RAB11FIP3: variants seen among roughly 807,000 people sequenced by gnomAD.
RAB11FIP3 encodes RAB11 family interacting protein 3, also known as rab11 family-interacting protein 3.
A neutral mutation model predicts 77.8 loss-of-function variants in RAB11FIP3; 17 were observed. That is an observed-to-expected ratio of 0.22 (90% confidence interval 0.15 to 0.33). The LOEUF (loss-of-function observed/expected upper bound fraction) is 0.33, where lower values mean the gene tolerates loss of function less well. Among genes scored for constraint, RAB11FIP3 ranks in the 10% least tolerant of loss-of-function variants. The pLI is 1.00. For missense variants in RAB11FIP3, 1,005 were observed against 1,011.2 expected, an observed-to-expected ratio of 0.99 and a Z score of 0.08; for synonymous variants, 437 against 448.2, an observed-to-expected ratio of 0.98 and a Z score of 0.31.
At chr16:442,160 G>A (rs1370044276) in intron 1 of RAB11FIP3, among the ~76,000 whole-genome samples, 1 of 152,152 alleles carries the variant, frequency 6.6e-6, no homozygotes, top group Admixed American at 6.6e-5. Flanking sequence ...TTAAGAAACG[G>A]GGTCTCACTG....
intron 1 of RAB11FIP3, among the ~76,000 whole-genome samples, chr16:445,133 A>AAG (rs2055292843): frequency 8.6e-6 from 1 of 115,636 alleles, no homozygotes; most frequent in African/African-American, 3.1e-5. Flanking sequence ...AAAAAAAAAG[A>AAG]AAAAAAGATT....
At chr16:511,313 C>T (rs1488159812) in intron 9 of RAB11FIP3, among the ~76,000 whole-genome samples, 1 of 129,812 alleles carries the variant, frequency 7.7e-6, no homozygotes, top group African/African-American at 3.0e-5. Context: ...AGCCCGCCCA[C>T]CCCAGAAACT....
Position 426,462 on chromosome 16 carries a change from C to G in RAB11FIP3, c.456C>G (p.His152Gln), listed in dbSNP as rs760898307. 7 of 1,583,044 alleles carry G rather than the reference C, an allele frequency of 4.4e-6. No homozygotes were observed. The highest frequency in any genetic ancestry group is 6.0e-6 in the Non-Finnish European group (7 of 1,165,816). The part of the protein sequence containing the change: ...PFRLQGSSSS[H>Q]RARGEVDVFS... ...GCTTGCAGGGGTCCAGCAGCAGCCA[C>G]CGAGCGCGGGGCGAGGTCGACGTCT... Residue 152 changes from histidine (H) to glutamine (Q), a missense_variant, in exon 1 of 14, where the codon CAC (histidine) becomes CAG (glutamine). Physicochemically the swap from His to Gln is conservative, Grantham distance 24 (BLOSUM62 0). Around this residue, in one of 4 missense-constraint regions of RAB11FIP3, gnomAD observed 466 missense variants for 408.3 expected, o/e 1.14. Transcript: ENST00000262305. The surrounding 1 kb of genome is among the most constrained non-coding windows in gnomAD (Gnocchi z 5.0).
At chr16:485,551 T>G (rs952641688) in intron 4 of RAB11FIP3, among the ~76,000 whole-genome samples, 1 of 152,116 alleles carries the variant, frequency 6.6e-6, no homozygotes, top group Non-Finnish European at 1.5e-5. Flanking sequence ...TAGCTGGGAT[T>G]ACAGGCACCT....
At chr16:518,768 G>A (rs367963286) in intron 9 of RAB11FIP3, among the ~76,000 whole-genome samples, 175 bp from the exon 10 acceptor site, 76 of 152,310 alleles carry the variant, frequency 5.0e-4, no homozygotes, top group South Asian at 3.3e-3. Flanking sequence ...CAAGGATTAC[G>A]GAAAAGCTGT....
intron 6 of RAB11FIP3, chr16:502,653 GTC>G (rs2031597112): frequency 5.8e-6 from 2 of 343,190 alleles, no homozygotes; most frequent in Non-Finnish European, 5.3e-6. Context: ...GATTGTTCGT[GTC>G]TCTGCGAAGA....
chr16:429,744 C>T (rs368662188), intron 1 of RAB11FIP3, among the ~76,000 whole-genome samples: 6 of 152,094 alleles, frequency 3.9e-5, no homozygotes, highest in Admixed American at 6.5e-5. Context: ...GTGATCCACC[C>T]GCCTCGGCCT....
chr16:434,018 C>T (rs2055085790), intron 1 of RAB11FIP3, among the ~76,000 whole-genome samples: 1 of 152,086 alleles, frequency 6.6e-6, no homozygotes, highest in Non-Finnish European at 1.5e-5. Flanking sequence ...GATTTCCTTT[C>T]CTTTGGATAA....
At chr16:462,595 C>G (rs114318943) in intron 2 of RAB11FIP3, among the ~76,000 whole-genome samples, 1 of 149,458 alleles carries the variant, frequency 6.7e-6, no homozygotes, top group African/African-American at 2.5e-5. Flanking sequence ...TTCCTCAGCA[C>G]GATCCCTTCC....
chr16:501,930 T>C (rs2031555592), intron 6 of RAB11FIP3, among the ~76,000 whole-genome samples: 1 of 147,960 alleles, frequency 6.8e-6, no homozygotes, highest in Non-Finnish European at 1.5e-5. Context: ...CCCCATTTCA[T>C]AGGCAAGGAG....
rs377509491 is a variant in RAB11FIP3, at chr16:488,994, C to G, written c.1259C>G (p.Thr420Arg). The change falls in exon 5 of 14, where the codon ACG (threonine) becomes AGG (arginine). Residue 420 changes from threonine to arginine, a missense_variant. Thr to Arg is a moderately conservative substitution (Grantham distance 71). Coordinates refer to ENST00000262305, the MANE Select transcript of RAB11FIP3 (RefSeq NM_014700.4). The part of the protein sequence containing the change: ...QLGCSDPAFL[T>R]PSPTKRLSSK... ...GGCTGCAGTGACCCCGCTTTCCTCA[C>G]GCCCAGGTAATGACGCCTTGTTCCA... 3 of 1,613,466 alleles carry G rather than the reference C, an allele frequency of 1.9e-6. No individual in the cohort carries two copies. The highest frequency in any genetic ancestry group is 1.3e-5 in the African/African-American group (1 of 74,920).
At chr16:435,204 C>CAAAAAAAA (rs371438435) in intron 1 of RAB11FIP3, among the ~76,000 whole-genome samples, 1 of 83,148 alleles carries the variant, frequency 1.2e-5, no homozygotes, top group African/African-American at 4.5e-5. Context: ...GACTCCGTCT[C>CAAAAAAAA]AAAAAAAAAA....
chr16:491,148 C>T, intron 5 of RAB11FIP3: 1 of 1,302,364 alleles, frequency 7.7e-7, no homozygotes, highest in African/African-American at 1.5e-5. Context: ...GACCCTCTTG[C>T]CGCAAAGCTG....
intron 6 of RAB11FIP3, among the ~76,000 whole-genome samples, chr16:501,992 C>T (rs1393910827): frequency 6.6e-6 from 1 of 152,310 alleles, no homozygotes; most frequent in Non-Finnish European, 1.5e-5. Context: ...GAGAGGGTCC[C>T]CCCATTTCAT....
intron 9 of RAB11FIP3, among the ~76,000 whole-genome samples, chr16:518,071 G>A (rs1482066065): frequency 2.6e-5 from 4 of 152,290 alleles, no homozygotes; most frequent in Admixed American, 6.5e-5. Flanking sequence ...AACAGAGTGA[G>A]ACTGTCTCAA....
At chr16:480,859 C>T (rs1472608463) in intron 3 of RAB11FIP3, among the ~76,000 whole-genome samples, 4 of 102,438 alleles carry the variant, frequency 3.9e-5, no homozygotes, top group East Asian at 5.1e-4. Flanking sequence ...TGCCCAGGCT[C>T]GAGTGCAATG....
At chr16:480,976 A>C (rs1407304835) in intron 3 of RAB11FIP3, among the ~76,000 whole-genome samples, 1 of 110,070 alleles carries the variant, frequency 9.1e-6, no homozygotes, top group African/African-American at 2.8e-5. Flanking sequence ...CACCCGGCTA[A>C]TTTTGTATTT....
chr16:483,838 C>G (rs575905034), intron 4 of RAB11FIP3, among the ~76,000 whole-genome samples: 3 of 152,024 alleles, frequency 2.0e-5, no homozygotes, highest in Admixed American at 6.6e-5. Flanking sequence ...GATAATAACT[C>G]TTTCAAACAA....
intron 1 of RAB11FIP3, among the ~76,000 whole-genome samples, chr16:427,168 C>T (rs995610834): frequency 6.6e-6 from 1 of 152,220 alleles, no homozygotes; most frequent in Non-Finnish European, 1.5e-5. Flanking sequence ...TGCCCAGACG[C>T]CTTGAGATCC....
Sources: gnomAD v4.1 joint callset for allele counts (sites outside exome capture counted in the v4.1 genomes callset) on GRCh38, gnomAD v4.1.1 for gene constraint, gnomAD v4.1.1 regional missense constraint, Gnocchi (gnomAD v3.1) non-coding constraint, MANE v1.5 for transcripts, NCBI Gene and HGNC (gene_info 2026-07-23, HGNC 2026-07-21) for gene names.